The following HIKESHI variants were observed in gnomAD, a reference collection of about 807,000 sequenced individuals.
The protein encoded by HIKESHI is heat shock protein nuclear import factor hikeshi.
In HIKESHI, 13 loss-of-function variants were observed where a neutral mutation model predicts 25.7. That is an observed-to-expected ratio of 0.51 (90% CI 0.33 to 0.80). HIKESHI has a LOEUF of 0.80. HIKESHI is among the 30% of genes least tolerant of loss of function. The probability of loss-of-function intolerance (pLI) is 0.02; values close to 1 mark genes in which losing one functional copy is unlikely to be tolerated. For synonymous variants in HIKESHI, 76 were observed against 78.7 expected (o/e 0.97, Z 0.18); for missense variants, 174 against 229.5 (o/e 0.76, Z 1.56).
At chr11:86,336,483 A>G (rs924813094) in intron 2 of HIKESHI, among the ~76,000 whole-genome samples, 1 of 152,186 alleles carries the variant, frequency 6.6e-6, no homozygotes, top group Non-Finnish European at 1.5e-5. Flanking sequence ...CACTTGCCCT[A>G]CTACCACGTG....
At position 86,302,369 on chromosome 11, in the gene HIKESHI, A is replaced by C; in HGVS notation, c.-80A>C. 1 of 1,517,078 alleles carries C rather than the reference A, an allele frequency of 6.6e-7. No homozygotes were observed. The highest frequency in any genetic ancestry group is 8.9e-7 in the Non-Finnish European group (1 of 1,118,152). The allele number at this position is 1,517,078 out of a possible 1,614,324, so 94.0% of individuals were successfully genotyped here. On this transcript the variant is annotated 5_prime_UTR_variant, in exon 1 of 5. Transcript: ENST00000278483. ...CTCCCGCAAATTCTGGAAGGTTCTT[A>C]GTCTCGACTAGGGCAGTAGCCCCAG...
intron 2 of HIKESHI, among the ~76,000 whole-genome samples, chr11:86,309,073 G>C (rs1303661893): frequency 1.3e-5 from 2 of 152,066 alleles, no homozygotes; most frequent in African/African-American, 4.8e-5. Flanking sequence ...ATAATCCTTT[G>C]GGTATATGTC....
chr11:86,332,253 C>A (rs528288893), intron 2 of HIKESHI, among the ~76,000 whole-genome samples: 1 of 152,204 alleles, frequency 6.6e-6, no homozygotes, highest in Admixed American at 6.5e-5. Flanking sequence ...CGTGAGCCAC[C>A]GTGCCCGGCC....
chr11:86,326,431 T>A, intron 2 of HIKESHI: 1 of 453,246 alleles, frequency 2.2e-6, no homozygotes, highest in Non-Finnish European at 4.4e-6. Flanking sequence ...GGAAGTTACT[T>A]TCGGCCTTTC....
intron 1 of HIKESHI, among the ~76,000 whole-genome samples, chr11:86,305,172 G>A (rs1046793858): frequency 6.7e-6 from 1 of 149,726 alleles, no homozygotes; most frequent in Non-Finnish European, 1.5e-5. Context: ...GCTAATTTTT[G>A]TAGTTTTTGT....
At chr11:86,338,452 G>A (rs1198407783) in intron 3 of HIKESHI, among the ~76,000 whole-genome samples, 1 of 152,236 alleles carries the variant, frequency 6.6e-6, no homozygotes, top group African/African-American at 2.4e-5. Context: ...GAGGCTGGTA[G>A]ATGTGGTGAT....
intron 4 of HIKESHI, chr11:86,345,264 G>A: frequency 2.3e-6 from 1 of 443,036 alleles, no homozygotes; most frequent in Non-Finnish European, 3.2e-6. Context: ...CTCATCTGTG[G>A]AATGAGGAAA....
chr11:86,306,731 G>A (rs931576793), intron 2 of HIKESHI, among the ~76,000 whole-genome samples: 9 of 151,782 alleles, frequency 5.9e-5, no homozygotes, highest in African/African-American at 1.7e-4. Flanking sequence ...CGGGCGCGGC[G>A]GCTCATTCCT....
At chr11:86,328,045 G>C (rs868453124) in intron 2 of HIKESHI, among the ~76,000 whole-genome samples, 12 of 152,136 alleles carry the variant, frequency 7.9e-5, no homozygotes, top group African/African-American at 2.9e-4. Flanking sequence ...TCCCTGCCAG[G>C]TATAACAGAA....
intron 1 of HIKESHI, among the ~76,000 whole-genome samples, chr11:86,305,197 G>A (rs1032902572): frequency 1.3e-5 from 2 of 151,074 alleles, no homozygotes; most frequent in Non-Finnish European, 3.0e-5. Context: ...ATCGGATTTT[G>A]CCATGTTGCC....
intron 2 of HIKESHI, among the ~76,000 whole-genome samples, chr11:86,306,792 A>G (rs974718692): frequency 3.3e-5 from 5 of 151,452 alleles, no homozygotes; most frequent in African/African-American, 1.2e-4. Context: ...AGGTCAGGAG[A>G]TCGAGACCAT....
At chr11:86,335,834 G>A (rs1447012517) in intron 2 of HIKESHI, among the ~76,000 whole-genome samples, 1 of 152,244 alleles carries the variant, frequency 6.6e-6, no homozygotes, top group East Asian at 1.9e-4. Flanking sequence ...GATTTATAGC[G>A]TCGTCACATT....
In HIKESHI at chr11:86,302,442, C is replaced by T; in HGVS notation, c.-7C>T. The T allele has an allele frequency of 6.4e-7, 1 of 1,554,090 alleles. No homozygotes were observed. The highest frequency in any genetic ancestry group is 8.7e-7 in the Non-Finnish European group (1 of 1,148,520). The stretch of plus-strand genomic sequence containing the variant: ...GTCACTGCCGGCTGAACGGAGCTGC[C>T]GTCGCCATGTTTGGCTGCTTGGTGG... On this transcript the variant is annotated 5_prime_UTR_variant, in exon 1 of 5. Transcript: ENST00000278483.
intron 2 of HIKESHI, among the ~76,000 whole-genome samples, chr11:86,331,912 T>A (rs1284529153): frequency 6.6e-6 from 1 of 152,134 alleles, no homozygotes; most frequent in Non-Finnish European, 1.5e-5. Context: ...TGTAGTTTTT[T>A]AGCTATGTCA....
intron 2 of HIKESHI, among the ~76,000 whole-genome samples, chr11:86,311,533 G>A (rs1384914522): frequency 6.6e-6 from 1 of 152,032 alleles, no homozygotes; most frequent in African/African-American, 2.4e-5. Context: ...TTGATTTTCT[G>A]AAGGGTTTTT....
intron 2 of HIKESHI, among the ~76,000 whole-genome samples, chr11:86,309,905 G>A (rs1023389106): frequency 1.3e-5 from 2 of 151,984 alleles, no homozygotes; most frequent in East Asian, 3.9e-4. Flanking sequence ...ATTTCCGAGG[G>A]CTCTATTCTG....
intron 3 of HIKESHI, among the ~76,000 whole-genome samples, chr11:86,340,215 G>A (rs1947688970): frequency 2.0e-5 from 3 of 152,166 alleles, no homozygotes; most frequent in Non-Finnish European, 4.4e-5. Context: ...AAACATATGT[G>A]TGCATGTGTC....
intron 2 of HIKESHI, among the ~76,000 whole-genome samples, chr11:86,316,348 C>G (rs565311724): frequency 1.3e-5 from 2 of 150,220 alleles, no homozygotes; most frequent in African/African-American, 4.9e-5. Context: ...CCCGTCTCCA[C>G]TAAAAATACA....
intron 2 of HIKESHI, among the ~76,000 whole-genome samples, chr11:86,323,040 G>C (rs940960459): frequency 1.3e-5 from 2 of 151,974 alleles, no homozygotes; most frequent in African/African-American, 4.8e-5. Context: ...ACCAGCCTGG[G>C]CAACGTAGCA....
Sources: gnomAD v4.1 joint callset for allele counts (sites outside exome capture counted in the v4.1 genomes callset) on GRCh38, gnomAD v4.1.1 for gene constraint, MANE v1.5 for transcripts, NCBI Gene and HGNC (gene_info 2026-07-23, HGNC 2026-07-21) for gene names.